The following RFC3 variants were observed in gnomAD, a reference collection of about 807,000 sequenced individuals.
The protein encoded by RFC3 is replication factor C subunit 3.
RFC3 carries 41 observed loss-of-function variants against 45.1 expected under a neutral mutation model. The ratio of observed to expected loss-of-function variants is 0.91; its 90% CI spans 0.71 to 1.18. The LOEUF (loss-of-function observed/expected upper bound fraction) is 1.18. RFC3 is among the 50% of genes most tolerant of loss of function. The pLI is 0.00. For synonymous variants in RFC3, 149 were observed against 144.0 expected (o/e 1.03, Z -0.25); for missense variants, 423 against 428.1 (o/e 0.99, Z 0.10).
At chr13:33,859,713 T>TA (rs1290763200) in intron 8 of RFC3, among the ~76,000 whole-genome samples, 3 of 152,138 alleles carry the variant, frequency 2.0e-5, no homozygotes, top group Non-Finnish European at 2.9e-5. Context: ...CAGTTTGAAA[T>TA]AAAAAATAAA....
chr13:33,963,578 C>A (rs1474500997), intron 8 of RFC3, among the ~76,000 whole-genome samples: 1 of 150,594 alleles, frequency 6.6e-6, no homozygotes, highest in African/African-American at 2.4e-5. Context: ...TCCCTACTCA[C>A]ATGCCTGATT....
At chr13:33,919,957 C>A (rs17080182) in intron 8 of RFC3, among the ~76,000 whole-genome samples, 1 of 152,044 alleles carries the variant, frequency 6.6e-6, no homozygotes, top group South Asian at 2.1e-4. Context: ...AAAGATGAAG[C>A]GTAACTATAC....
chr13:33,903,345 G>A (rs1421953603), intron 8 of RFC3, among the ~76,000 whole-genome samples: 2 of 152,076 alleles, frequency 1.3e-5, no homozygotes, highest in African/African-American at 4.8e-5. Flanking sequence ...TCCATTATAA[G>A]TATTTCCACC....
downstream of RFC3, among the ~76,000 whole-genome samples, chr13:33,967,165 TA>T (rs956852104): frequency 2.7e-5 from 4 of 149,230 alleles, no homozygotes; most frequent in Admixed American, 6.7e-5. Flanking sequence ...CTTAAAAAAT[TA>T]AAAAAAAAAT....
intron 8 of RFC3, among the ~76,000 whole-genome samples, chr13:33,912,119 A>C (rs2082707026): frequency 6.6e-6 from 1 of 152,122 alleles, no homozygotes; most frequent in East Asian, 1.9e-4. Context: ...AGATGAAGAA[A>C]GGGATCTGAA....
intron 8 of RFC3, among the ~76,000 whole-genome samples, chr13:33,933,021 A>G (rs983888793): frequency 3.9e-5 from 6 of 152,130 alleles, no homozygotes; most frequent in African/African-American, 1.2e-4. Flanking sequence ...AATAAATACA[A>G]TTATACCCCC....
At chr13:33,914,809 A>C (rs917160932) in intron 8 of RFC3, among the ~76,000 whole-genome samples, 4 of 152,184 alleles carry the variant, frequency 2.6e-5, no homozygotes, top group Non-Finnish European at 2.9e-5. Flanking sequence ...CTCATAAATA[A>C]GGTAGTTTGC....
In RFC3 at chr13:33,818,221, C is replaced by T. The variant is rs1339877208; in HGVS notation, c.43C>T (p.Arg15Trp). Reference protein sequence around the residue: ...VDKYRPCSLGRLDYHKEQAAQ... With the variant: ...VDKYRPCSLGWLDYHKEQAAQ... ...CAAGTATCGGCCCTGCTCCTTGGGA[C>T]GGCTGGACTATCACAAGGAGCAGGC... The change falls in exon 1 of 9, where the codon CGG becomes TGG. Residue 15 changes from arginine (R) to tryptophan (W), a missense_variant. Transcript: ENST00000380071. 3.1e-6 allele frequency: 5 copies of T among 1,613,442 alleles called. No individual in the cohort carries two copies. Among genetic ancestry groups the T allele is most frequent in the African/African-American group, 2.7e-5 (2 of 74,940 alleles).
Position 33,923,435 on chromosome 13 carries a change from G to T in RFC3, c.880-42652G>T, listed in dbSNP as rs539805269. ...TGTCATCCTTGCTCCTGGCTGTAGTGTGGCTGGTGCATAGTTGGGGGTGAG... is the reference window on the plus strand; with the variant it reads ...TGTCATCCTTGCTCCTGGCTGTAGTTTGGCTGGTGCATAGTTGGGGGTGAG... On this transcript the variant is annotated intron_variant, in intron 8 of 8. Coordinates refer to the RFC3 transcript ENST00000434425. Among the ~76,000 whole-genome samples, 6 of 152,240 alleles carry T rather than the reference G, an allele frequency of 3.9e-5. No individual in the cohort carries two copies. The East Asian group carries it at 1.2e-3, about 29-fold the overall frequency.
intron 8 of RFC3, among the ~76,000 whole-genome samples, chr13:33,898,206 CAT>C (rs1186618451): frequency 6.6e-6 from 1 of 151,990 alleles, no homozygotes; most frequent in Non-Finnish European, 1.5e-5. Flanking sequence ...GCAGAATACA[CAT>C]CTTATTCATC....
chr13:33,970,117 G>C (rs1453648084), downstream of RFC3, among the ~76,000 whole-genome samples: 1 of 152,026 alleles, frequency 6.6e-6, no homozygotes, highest in Admixed American at 6.6e-5. Context: ...ACCCCAGTGT[G>C]TGTTGTTCCC....
chr13:33,944,719 AG>A (rs1385926150), intron 8 of RFC3, among the ~76,000 whole-genome samples: 1 of 152,158 alleles, frequency 6.6e-6, no homozygotes, highest in Non-Finnish European at 1.5e-5. Flanking sequence ...GACTAAAGTT[AG>A]CACTTGAGAA....
chr13:33,838,560 T>A (rs900886065), downstream of RFC3, among the ~76,000 whole-genome samples: 9 of 152,146 alleles, frequency 5.9e-5, no homozygotes, highest in Non-Finnish European at 1.5e-5. Context: ...CAATTTTCTT[T>A]TGCAGTTTTC....
At chr13:33,973,285 A>C in the RFC3 span, among the ~76,000 whole-genome samples, 3 of 152,330 alleles carry the variant, frequency 2.0e-5, no homozygotes, top group African/African-American at 7.2e-5. Context: ...GATTTTTCCC[A>C]GAATGGCAGC....
At chr13:33,946,058 T>G (rs779176161) in intron 8 of RFC3, among the ~76,000 whole-genome samples, 3 of 152,212 alleles carry the variant, frequency 2.0e-5, no homozygotes, top group Non-Finnish European at 4.4e-5. Context: ...CTGACTCTGG[T>G]TCTCTCCACT....
At chr13:33,927,218 G>A (rs997380158) in intron 8 of RFC3, among the ~76,000 whole-genome samples, 1 of 149,114 alleles carries the variant, frequency 6.7e-6, no homozygotes, top group African/African-American at 2.5e-5. Context: ...AAATAATAAA[G>A]GCTTTTTAAA....
chr13:33,899,743 CT>C (rs1241403448), intron 8 of RFC3, among the ~76,000 whole-genome samples: 1 of 151,812 alleles, frequency 6.6e-6, no homozygotes. Context: ...TTAAATTAGC[CT>C]TGTTCACAGA....
intron 8 of RFC3, among the ~76,000 whole-genome samples, chr13:33,902,223 G>A (rs549337363): frequency 1.3e-5 from 2 of 152,216 alleles, no homozygotes; most frequent in East Asian, 3.9e-4. Context: ...CTTCTTGTTT[G>A]TTCAAGCATA....
chr13:33,966,104 A>G, exon 9 of RFC3: 3 of 1,611,232 alleles, frequency 1.9e-6, no homozygotes, highest in African/African-American at 1.3e-5. Flanking sequence ...AGGAGGAATC[A>G]AGAAGCTGTG....
Sources: gnomAD v4.1 joint callset for allele counts (sites outside exome capture counted in the v4.1 genomes callset) on GRCh38, gnomAD v4.1.1 for gene constraint, MANE v1.5 for transcripts, NCBI Gene and HGNC (gene_info 2026-07-23, HGNC 2026-07-21) for gene names.